The following CSMD1 variants were observed in gnomAD, a reference collection of about 807,000 sequenced individuals.
CSMD1 encodes the protein CUB and sushi domain-containing protein 1.
CSMD1 carries 213 observed loss-of-function variants against 417.5 expected under a neutral mutation model. That is an observed-to-expected ratio of 0.51 (90% CI 0.46 to 0.57). The LOEUF (loss-of-function observed/expected upper bound fraction) is 0.57, where lower values mean the gene tolerates loss of function less well. Ranked by LOEUF, CSMD1 falls within the 20% of genes least tolerant of loss-of-function variation. The probability of loss-of-function intolerance (pLI) is 0.00; values close to 1 mark genes in which losing one functional copy is unlikely to be tolerated. For synonymous variants in CSMD1, 2,862 were observed against 1,736.8 expected, an observed-to-expected ratio of 1.65 and a Z score of -16.11; for missense variants, 6,923 against 4,529.7, an observed-to-expected ratio of 1.53 and a Z score of -15.17.
At chr8:4,693,722 C>G (rs1806928914) in intron 1 of CSMD1, among the ~76,000 whole-genome samples, 1 of 152,202 alleles carries the variant, frequency 6.6e-6, no homozygotes, top group South Asian at 2.1e-4. Flanking sequence ...CTGGAGTACA[C>G]TGACTATTCA....
chr8:3,856,403 G>T (rs1029883005), intron 5 of CSMD1, among the ~76,000 whole-genome samples: 1 of 152,106 alleles, frequency 6.6e-6, no homozygotes, highest in Non-Finnish European at 1.5e-5. Flanking sequence ...AAATTACCCA[G>T]TTTCTGCTAC....
intron 5 of CSMD1, among the ~76,000 whole-genome samples, chr8:3,879,126 A>G (rs1272542301): frequency 1.3e-5 from 2 of 152,174 alleles, no homozygotes; most frequent in African/African-American, 2.4e-5. Flanking sequence ...AGGTGTTCAA[A>G]CAATCATTTT....
At chr8:4,346,347 C>T (rs1800777038) in intron 3 of CSMD1, among the ~76,000 whole-genome samples, 1 of 152,104 alleles carries the variant, frequency 6.6e-6, no homozygotes, top group African/African-American at 2.4e-5. Context: ...CAGCCATGCC[C>T]ATCTATTTCC....
At chr8:4,563,497 G>A (rs566631247) in intron 2 of CSMD1, among the ~76,000 whole-genome samples, 1 of 152,126 alleles carries the variant, frequency 6.6e-6, no homozygotes, top group Admixed American at 6.5e-5. Context: ...CAGTATTCCT[G>A]TGCCGGCTAT....
At chr8:3,914,027 C>T (rs147428407) in intron 5 of CSMD1, among the ~76,000 whole-genome samples, 2 of 152,018 alleles carry the variant, frequency 1.3e-5, no homozygotes, top group African/African-American at 2.4e-5. Context: ...CTTCTCTATA[C>T]TTCTAAGTTA....
At chr8:3,485,541 AG>A in intron 11 of CSMD1, among the ~76,000 whole-genome samples, 1 of 140,744 alleles carries the variant, frequency 7.1e-6, no homozygotes, top group East Asian at 2.8e-4. Flanking sequence ...ACACACACAG[AG>A]AGAGAGAGAG....
In CSMD1 at chr8:4,820,594, G is replaced by T. The variant is rs117385791; in HGVS notation, c.85+173738C>A. On this transcript the variant is annotated intron_variant, in intron 1 of 69. Transcript: ENST00000635120. Reference sequence around the variant, plus strand: ...AGCAAAGAAATGCGTGAAAACAAACGGGATAGCTTTCTGAAATCACTGAAG... The same window carrying T: ...AGCAAAGAAATGCGTGAAAACAAACTGGATAGCTTTCTGAAATCACTGAAG... Among the ~76,000 whole-genome samples the T allele has an allele frequency of 4.2e-3, 641 of 152,204 alleles. 2 individuals are homozygous for T. Among genetic ancestry groups the T allele is most frequent in the Middle Eastern group, 0.014 (4 of 294 alleles).
intron 3 of CSMD1, among the ~76,000 whole-genome samples, chr8:4,181,761 C>T (rs547727482): frequency 2.0e-5 from 3 of 152,092 alleles, no homozygotes; most frequent in Non-Finnish European, 4.4e-5. Flanking sequence ...CTTATCTTGT[C>T]ATTGAAATAT....
At chr8:4,667,393 C>T (rs1015883049) in intron 1 of CSMD1, among the ~76,000 whole-genome samples, 5 of 151,240 alleles carry the variant, frequency 3.3e-5, no homozygotes, top group Admixed American at 1.3e-4. Flanking sequence ...TTCAAAATGC[C>T]TGCTGATATT....
chr8:3,272,488 G>T (rs1020037102), intron 26 of CSMD1, among the ~76,000 whole-genome samples: 4 of 148,722 alleles, frequency 2.7e-5, no homozygotes, highest in African/African-American at 9.9e-5. Flanking sequence ...GTAACTTGAA[G>T]GGGATGGCAT....
chr8:3,306,704 T>C (rs62504425), intron 25 of CSMD1, among the ~76,000 whole-genome samples: 18,951 of 152,176 alleles, frequency 0.12, 1,399 homozygotes, highest in Admixed American at 0.19. Flanking sequence ...TAAAAAGGAT[T>C]GGTTAGGACT....
chr8:4,994,745 G>A lies in CSMD1; in HGVS notation c.-329C>T. 1 of 303,194 alleles carries A rather than the reference G, an allele frequency of 3.3e-6. No homozygotes were observed. The highest frequency in any genetic ancestry group is 6.1e-6 in the Non-Finnish European group (1 of 163,274). 18.8% of individuals were successfully genotyped at this position (303,194 alleles called of 1,614,324 possible). ...GCGGGAGGGGGAGAAGCGGGGAGAG[G>A]AGCGCGCGCAGCCAGGAGAGACCTG... On this transcript the variant is annotated 5_prime_UTR_variant, in exon 1 of 70. Coordinates refer to ENST00000635120, the MANE Select transcript of CSMD1 (RefSeq NM_033225.6).
rs376366222 is a variant in CSMD1, at chr8:4,236,292, G to T, written c.415+183661C>A. Among the ~76,000 whole-genome samples, 4 of 152,084 alleles carry T rather than the reference G, an allele frequency of 2.6e-5. No homozygotes were observed. In the East Asian group the frequency reaches 5.8e-4, roughly 22 times the overall value. On this transcript the variant is annotated intron_variant, in intron 3 of 69. Transcript: ENST00000635120. ...TGGCACACTGATCGGAATTCTTACA[G>T]AAACTAGAACGCAGGAAACAGTATA... is the stretch of plus-strand genomic sequence containing the variant.
chr8:4,732,574 T>C (rs1278785715), intron 1 of CSMD1, among the ~76,000 whole-genome samples: 1 of 152,178 alleles, frequency 6.6e-6, no homozygotes, highest in East Asian at 1.9e-4. Flanking sequence ...AAGCAACCTG[T>C]CAGAGAAGCA....
chr8:3,630,784 T>C (rs1446646362), intron 7 of CSMD1, among the ~76,000 whole-genome samples: 3 of 152,154 alleles, frequency 2.0e-5, no homozygotes, highest in East Asian at 1.9e-4. Flanking sequence ...GCTAAAGCAA[T>C]AGAAGAACAC....
chr8:4,841,925 A>AAAAAAAAAAAAAAAAAC (rs1563561140), intron 1 of CSMD1, among the ~76,000 whole-genome samples: 4 of 98,744 alleles, frequency 4.1e-5, no homozygotes, highest in Admixed American at 8.7e-5. Flanking sequence ...AAAAAAAAAA[A>AAAAAAAAAAAAAAAAAC]AAAAAAAAAA....
intron 26 of CSMD1, among the ~76,000 whole-genome samples, chr8:3,243,096 G>C (rs887386732): frequency 6.6e-6 from 1 of 152,166 alleles, no homozygotes; most frequent in Non-Finnish European, 1.5e-5. Flanking sequence ...AGATTGAAGG[G>C]TGGCGACAAG....
At chr8:4,725,692 C>G (rs1022836405) in intron 1 of CSMD1, among the ~76,000 whole-genome samples, 1 of 152,152 alleles carries the variant, frequency 6.6e-6, no homozygotes. Flanking sequence ...CTTTTGGCAT[C>G]TTGAAGAAAA....
chr8:3,653,605 G>A (rs1351211872), intron 7 of CSMD1, among the ~76,000 whole-genome samples: 1 of 152,164 alleles, frequency 6.6e-6, no homozygotes, highest in East Asian at 1.9e-4. Flanking sequence ...CACCCTGCCT[G>A]GCCAGTTATG....
Sources: allele counts gnomAD v4.1 joint callset (sites outside exome capture counted in the v4.1 genomes callset), GRCh38; gene constraint gnomAD v4.1.1; transcripts MANE v1.5; gene names NCBI Gene and HGNC (gene_info 2026-07-23, HGNC 2026-07-21).